Variants in CPEB3 observed in about 807,000 individuals in gnomAD.
CPEB3 encodes the protein cytoplasmic polyadenylation element binding protein 3, also known as cytoplasmic polyadenylation element-binding protein 3.
In CPEB3, 20 loss-of-function variants were observed where a neutral mutation model predicts 67.2. The ratio of observed to expected loss-of-function variants is 0.30; its 90% confidence interval spans 0.21 to 0.43. CPEB3 has a LOEUF of 0.43. CPEB3 is among the 20% of genes least tolerant of loss of function. The pLI, the probability that CPEB3 is intolerant of heterozygous loss-of-function variation, is 1.00. For synonymous variants in CPEB3, 376 were observed against 393.1 expected (o/e 0.96, Z 0.51); for missense variants, 746 against 968.6 (o/e 0.77, Z 3.05).
At chr10:92,095,598 A>AT (rs1386938379) in intron 7 of CPEB3, among the ~76,000 whole-genome samples, 1,315 of 85,232 alleles carry the variant, frequency 0.015, 26 homozygotes, top group African/African-American at 0.056. Flanking sequence ...ATATATATAT[A>AT]TATTTTTTTT....
At chr10:92,054,100 C>T (rs752177069) in intron 9 of CPEB3, among the ~76,000 whole-genome samples, 1 of 152,068 alleles carries the variant, frequency 6.6e-6, no homozygotes, top group Non-Finnish European at 1.5e-5. Context: ...ATATACAACT[C>T]AATGGGGAAA....
intron 6 of CPEB3, among the ~76,000 whole-genome samples, chr10:92,121,144 G>A (rs766277085): frequency 3.3e-5 from 5 of 151,812 alleles, no homozygotes; most frequent in African/African-American, 4.8e-5. Flanking sequence ...GATTAGCTGG[G>A]ACTACAGGCA....
intron 1 of CPEB3, among the ~76,000 whole-genome samples, chr10:92,245,800 G>T (rs538421057): frequency 6.6e-6 from 1 of 152,222 alleles, no homozygotes; most frequent in African/African-American, 2.4e-5. Flanking sequence ...ATTTTGGGAG[G>T]CCGAGGCGGC....
intron 1 of CPEB3, among the ~76,000 whole-genome samples, chr10:92,242,813 T>C (rs1307128983): frequency 1.3e-5 from 2 of 152,210 alleles, no homozygotes; most frequent in Admixed American, 1.3e-4. Context: ...GAACACCCAT[T>C]TCTCTTCTCA....
At chr10:92,053,901 G>A (rs1374692914) in intron 9 of CPEB3, among the ~76,000 whole-genome samples, 1 of 151,640 alleles carries the variant, frequency 6.6e-6, no homozygotes, top group Non-Finnish European at 1.5e-5. Context: ...AGCCAGGCTG[G>A]TCTCAAACTC....
chr10:92,082,567 A>G (rs1470328269), intron 8 of CPEB3, among the ~76,000 whole-genome samples: 1 of 152,198 alleles, frequency 6.6e-6, no homozygotes, highest in Non-Finnish European at 1.5e-5. Flanking sequence ...GGCATGAGCC[A>G]CCATGCCTGG....
intron 9 of CPEB3, among the ~76,000 whole-genome samples, chr10:92,078,834 A>T (rs1843032513): frequency 1.3e-5 from 2 of 152,200 alleles, no homozygotes; most frequent in South Asian, 4.1e-4. Context: ...GAATAGCGGT[A>T]GGCAACAAAA....
At chr10:92,057,843 C>T (rs1049639368) in intron 9 of CPEB3, among the ~76,000 whole-genome samples, 5 of 152,112 alleles carry the variant, frequency 3.3e-5, no homozygotes, top group Non-Finnish European at 7.4e-5. Flanking sequence ...CCAAGACCAT[C>T]AAGGCAGCAC....
chr10:92,130,189 G>C (rs1486382915), intron 6 of CPEB3, among the ~76,000 whole-genome samples: 1 of 151,514 alleles, frequency 6.6e-6, no homozygotes, highest in African/African-American at 2.4e-5. Flanking sequence ...TCAATTTTCA[G>C]GTCTGCTTAA....
chr10:92,082,296 G>GT lies in CPEB3; in HGVS notation c.1688-796dup, dbSNP rs542876478. 3.5e-4 allele frequency among the ~76,000 whole-genome samples: 51 copies of GT among 146,194 alleles called. No individual in the cohort carries two copies. The South Asian group carries it at 5.2e-3, about 15-fold the overall frequency. On this transcript the variant is annotated intron_variant, in intron 8 of 9. Transcript: ENST00000265997. ...TGTTTGTTTGTTTGTTTGTTTGTTT[G>GT]TTTACTGAGACAGAGTCTCGCTCTG...
At chr10:92,289,167 CGGA>C (rs962816338) in intron 1 of CPEB3, among the ~76,000 whole-genome samples, 1 of 152,110 alleles carries the variant, frequency 6.6e-6, no homozygotes, top group African/African-American at 2.4e-5. Context: ...CACCTGAACC[CGGA>C]GGAGGAGACT....
intron 4 of CPEB3, among the ~76,000 whole-genome samples, chr10:92,156,786 CATG>C (rs1442993681): frequency 7.2e-5 from 11 of 152,136 alleles, no homozygotes; most frequent in Admixed American, 1.3e-4. Flanking sequence ...CGTTTTTACA[CATG>C]ATGATGATGA....
intron 3 of CPEB3, among the ~76,000 whole-genome samples, chr10:92,188,079 C>T (rs914620073): frequency 6.6e-6 from 1 of 151,900 alleles, no homozygotes; most frequent in Non-Finnish European, 1.5e-5. Context: ...GCCTCTAGTA[C>T]CAGCTACTTA....
intron 3 of CPEB3, among the ~76,000 whole-genome samples, chr10:92,189,337 T>G (rs1231287346): frequency 2.6e-5 from 4 of 152,202 alleles, no homozygotes; most frequent in Admixed American, 2.0e-4. Flanking sequence ...TTTCAACATT[T>G]AGCTGAAGTC....
At chr10:92,266,436 A>C (rs1253060541) in intron 1 of CPEB3, among the ~76,000 whole-genome samples, 1 of 152,182 alleles carries the variant, frequency 6.6e-6, no homozygotes, top group East Asian at 1.9e-4. Flanking sequence ...CAAAAAAGAA[A>C]GCACAAGCCC....
At chr10:92,231,977 C>T (rs1851291226) in intron 2 of CPEB3, among the ~76,000 whole-genome samples, 2 of 151,756 alleles carry the variant, frequency 1.3e-5, no homozygotes, top group South Asian at 4.2e-4. Context: ...GCCTCAGCCT[C>T]CCAAAGTGCT....
At chr10:92,276,732 A>G (rs1842006481) in intron 1 of CPEB3, among the ~76,000 whole-genome samples, 1 of 152,126 alleles carries the variant, frequency 6.6e-6, no homozygotes, top group African/African-American at 2.4e-5. Context: ...CTATATGGTA[A>G]CTCTATGTTT....
At chr10:92,163,361 G>A (rs952357986) in intron 4 of CPEB3, among the ~76,000 whole-genome samples, 2 of 152,066 alleles carry the variant, frequency 1.3e-5, no homozygotes, top group Non-Finnish European at 2.9e-5. Context: ...TTGAACCCGG[G>A]AGGCGGAGGT....
intron 8 of CPEB3, among the ~76,000 whole-genome samples, chr10:92,087,489 G>A (rs763547608): frequency 6.6e-6 from 1 of 152,186 alleles, no homozygotes. Context: ...GTCAAGAACA[G>A]TTTATATGCT....
Sources: allele counts gnomAD v4.1 joint callset (sites outside exome capture counted in the v4.1 genomes callset), GRCh38; gene constraint gnomAD v4.1.1; transcripts MANE v1.5; gene names NCBI Gene and HGNC (gene_info 2026-07-23, HGNC 2026-07-21).